Variants in ACOT12 observed in about 807,000 individuals in gnomAD.
ACOT12 encodes the protein acyl-CoA thioesterase 12.
ACOT12 carries 51 observed loss-of-function variants against 67.7 expected under a neutral mutation model. The observed-to-expected ratio is 0.75, with a 90% CI of 0.60 to 0.95. ACOT12 has a LOEUF of 0.95. Among genes scored for constraint, ACOT12 ranks in the 40% least tolerant of loss-of-function variants. ACOT12 has a pLI of 0.00. For synonymous variants in ACOT12, 251 were observed against 244.6 expected (o/e 1.03, Z -0.24); for missense variants, 734 against 708.1 (o/e 1.04, Z -0.41).
intron 1 of ACOT12, among the ~76,000 whole-genome samples, chr5:81,392,623 T>C (rs552171384): frequency 3.3e-5 from 5 of 152,338 alleles, no homozygotes; most frequent in African/African-American, 1.2e-4. Flanking sequence ...ATGTATTCAG[T>C]TGCCTTGGAA....
chr5:81,326,677 C>T (rs1289078867), downstream of ACOT12, among the ~76,000 whole-genome samples: 4 of 152,180 alleles, frequency 2.6e-5, no homozygotes, highest in African/African-American at 4.8e-5. Flanking sequence ...GAGCAAGTAG[C>T]GAGCACTGTA....
intron 13 of ACOT12, among the ~76,000 whole-genome samples, chr5:81,331,353 C>T (rs1250411675): frequency 1.3e-5 from 2 of 152,088 alleles, no homozygotes; most frequent in Non-Finnish European, 2.9e-5. Context: ...TCCTGACCAA[C>T]ATGGAGAAAC....
chr5:81,315,060 T>C, the ACOT12 span, among the ~76,000 whole-genome samples: 4 of 152,210 alleles, frequency 2.6e-5, no homozygotes, highest in African/African-American at 7.2e-5. Context: ...TCTTTCACTT[T>C]TCCATAAATG....
At chr5:81,383,132 C>T (rs745975580) in intron 2 of ACOT12, among the ~76,000 whole-genome samples, 19 of 152,200 alleles carry the variant, frequency 1.2e-4, no homozygotes, top group Middle Eastern at 6.8e-3. Flanking sequence ...TGGTGGCAGG[C>T]GCATGTAATC....
intron 5 of ACOT12, among the ~76,000 whole-genome samples, chr5:81,354,764 T>C (rs555172952): frequency 1.4e-4 from 22 of 152,102 alleles, no homozygotes; most frequent in South Asian, 1.2e-3. Context: ...ACTGCAGTGG[T>C]GCAATCTTGG....
At position 81,330,293 on chromosome 5, in the gene ACOT12, A is replaced by T; in HGVS notation, c.*101T>A. 1 of 1,355,550 alleles carries T rather than the reference A, an allele frequency of 7.4e-7. No individual in the cohort carries two copies. Among genetic ancestry groups the T allele is most frequent in the Non-Finnish European group, 9.9e-7 (1 of 1,005,610 alleles). The allele number at this position is 1,355,550 out of a possible 1,614,324, so 84.0% of individuals were successfully genotyped here. Reference sequence around the variant, plus strand: ...GTCACTGCATTTTGCTTAGGGTTATATTAAATTATTTTGTGGCCCCAAAGC... The same window carrying T: ...GTCACTGCATTTTGCTTAGGGTTATTTTAAATTATTTTGTGGCCCCAAAGC... On this transcript the variant is annotated 3_prime_UTR_variant, in exon 15 of 15. Transcript: ENST00000307624.
At chr5:81,323,909 C>T in the ACOT12 span, among the ~76,000 whole-genome samples, 36,996 of 146,270 alleles carry the variant, frequency 0.25, 5,138 homozygotes, top group Middle Eastern at 0.37. Context: ...TATATATACA[C>T]GTATATATAC....
Position 81,330,567 on chromosome 5 carries a change from A to G in ACOT12, c.1519-24T>C, listed in dbSNP as rs1387621317. 17 of 1,610,494 alleles carry G rather than the reference A, an allele frequency of 1.1e-5. No homozygotes were observed. The Admixed American group carries it at 2.0e-4, about 19-fold the overall frequency. ...ACCTGTTTCAAAAAGAAAGTACAATATTTTAATTTCTTATTGACTTGGAGC... is the reference window on the plus strand; with the variant it reads ...ACCTGTTTCAAAAAGAAAGTACAATGTTTTAATTTCTTATTGACTTGGAGC... On this transcript the variant is annotated intron_variant, in intron 14 of 14. Coordinates refer to ENST00000307624, the MANE Select transcript of ACOT12 (RefSeq NM_130767.3).
chr5:81,348,505 G>A (rs1313957124), intron 5 of ACOT12, among the ~76,000 whole-genome samples: 1 of 152,076 alleles, frequency 6.6e-6, no homozygotes, highest in African/African-American at 2.4e-5. Flanking sequence ...TGCGGAAACT[G>A]TTTGTAATGA....
the ACOT12 span, among the ~76,000 whole-genome samples, chr5:81,323,033 T>A: frequency 1.5e-4 from 19 of 123,892 alleles, no homozygotes; most frequent in East Asian, 4.2e-3. Context: ...GGTGAGAGAA[T>A]AGATAAATGC....
chr5:81,360,984 A>G (rs1199922545), intron 4 of ACOT12, among the ~76,000 whole-genome samples: 1 of 151,246 alleles, frequency 6.6e-6, no homozygotes, highest in Non-Finnish European at 1.5e-5. Flanking sequence ...AGGCTGAGGC[A>G]CAAGAATCGC....
chr5:81,370,455 T>A (rs1760215225), intron 3 of ACOT12, among the ~76,000 whole-genome samples: 1 of 152,210 alleles, frequency 6.6e-6, no homozygotes, highest in Non-Finnish European at 1.5e-5. Context: ...GCAGATGTAA[T>A]TAGTTAAGAT....
chr5:81,368,223 C>T (rs1760141259), intron 3 of ACOT12, among the ~76,000 whole-genome samples: 1 of 151,984 alleles, frequency 6.6e-6, no homozygotes, highest in African/African-American at 2.4e-5. Flanking sequence ...ACCCGGGAGG[C>T]GGAGCTTGCA....
the ACOT12 span, among the ~76,000 whole-genome samples, chr5:81,315,369 TGA>T: frequency 6.6e-6 from 1 of 152,136 alleles, no homozygotes; most frequent in South Asian, 2.1e-4. Context: ...ATGACCAGCT[TGA>T]GTCTTTCTAT....
chr5:81,352,321 C>T (rs1012397036), intron 5 of ACOT12, among the ~76,000 whole-genome samples: 3 of 152,182 alleles, frequency 2.0e-5, no homozygotes, highest in African/African-American at 7.2e-5. Context: ...TTTGTTGCAG[C>T]CCTGTTCACA....
At position 81,335,873 on chromosome 5, in the gene ACOT12, T is replaced by A. The variant is rs750592941; in HGVS notation, c.1157A>T (p.Asp386Val). The change falls in exon 12 of 15, where the codon GAT becomes GTT. Residue 386 changes from aspartate to valine, a missense_variant. By Grantham distance (152) the Asp-to-Val change is radical. Coordinates refer to ENST00000307624, the MANE Select transcript of ACOT12 (RefSeq NM_130767.3). ...KIKIYTLEEH[D>V]VLSVWVEKHV... ...CTTTTCAACCCAAACAGATAAAACA[T>A]CATGCTCTTCCAGAGTATATATTTT... 1 of 1,613,690 alleles carries A rather than the reference T, an allele frequency of 6.2e-7. No individual in the cohort carries two copies. Among genetic ancestry groups the A allele is most frequent in the Non-Finnish European group, 8.5e-7 (1 of 1,179,804 alleles).
the ACOT12 span, among the ~76,000 whole-genome samples, chr5:81,314,256 C>T: frequency 2.0e-5 from 3 of 151,910 alleles, no homozygotes; most frequent in Non-Finnish European, 2.9e-5. Context: ...AGGCACGCAC[C>T]ACCACACCCC....
chr5:81,372,319 T>C (rs959843963), intron 2 of ACOT12, among the ~76,000 whole-genome samples: 1 of 152,216 alleles, frequency 6.6e-6, no homozygotes, highest in Non-Finnish European at 1.5e-5. Flanking sequence ...TCATGTAACC[T>C]GAAGTTGTTC....
chr5:81,316,375 T>C, the ACOT12 span, among the ~76,000 whole-genome samples: 1 of 152,238 alleles, frequency 6.6e-6, no homozygotes. Flanking sequence ...TTGCCTGTTC[T>C]GGACACTTTA....
Sources: allele counts gnomAD v4.1 joint callset (sites outside exome capture counted in the v4.1 genomes callset), GRCh38; gene constraint gnomAD v4.1.1; transcripts MANE v1.5; gene names NCBI Gene and HGNC (gene_info 2026-07-23, HGNC 2026-07-21).